ADAMTS18: variants seen among roughly 807,000 people sequenced by gnomAD.
The protein encoded by ADAMTS18 is A disintegrin and metalloproteinase with thrombospondin motifs 18.
In ADAMTS18, 157 loss-of-function variants were observed where a neutral mutation model predicts 165.9. The observed-to-expected ratio is 0.95, with a 90% CI of 0.83 to 1.08. ADAMTS18 has a LOEUF of 1.08. ADAMTS18 is among the 50% of genes least tolerant of loss of function. The probability of loss-of-function intolerance (pLI) is 0.00; values close to 1 mark genes in which losing one functional copy is unlikely to be tolerated. For synonymous variants in ADAMTS18, 782 were observed against 578.2 expected, an observed-to-expected ratio of 1.35 and a Z score of -5.06; for missense variants, 2,040 against 1,534.0, an observed-to-expected ratio of 1.33 and a Z score of -5.51.
chr16:77,359,217 A>T (rs983633757), intron 8 of ADAMTS18, 101 bp downstream of exon 8: 1 of 1,001,708 alleles, frequency 1.0e-6, no homozygotes, highest in African/African-American at 1.6e-5. Context: ...CACAAGACTG[A>T]TCCTCTTTGT....
At chr16:77,355,902 C>T in intron 9 of ADAMTS18, 38 bp downstream of exon 9, 1 of 1,613,512 alleles carries the variant, frequency 6.2e-7, no homozygotes, top group Non-Finnish European at 8.5e-7. Flanking sequence ...TGTCATCACT[C>T]CAAACCTAGG....
chr16:77,350,005 T>C (rs1232701140), intron 10 of ADAMTS18, among the ~76,000 whole-genome samples: 1 of 152,214 alleles, frequency 6.6e-6, no homozygotes, highest in Non-Finnish European at 1.5e-5. Flanking sequence ...GTTCAGCTGC[T>C]CACTTCTAGC....
chr16:77,415,769 G>A (rs1289289988), intron 3 of ADAMTS18, among the ~76,000 whole-genome samples: 1 of 146,080 alleles, frequency 6.8e-6, no homozygotes, highest in Non-Finnish European at 1.5e-5. Flanking sequence ...TCATTTTTGA[G>A]TCCCCACATA....
intron 4 of ADAMTS18, among the ~76,000 whole-genome samples, chr16:77,366,310 A>G (rs1369930960): frequency 6.6e-6 from 1 of 152,186 alleles, no homozygotes; most frequent in Admixed American, 6.5e-5. Context: ...TTTAATGCTA[A>G]CAATTGGGAG....
chr16:77,427,393 A>G (rs2057687104), intron 3 of ADAMTS18, among the ~76,000 whole-genome samples: 2 of 152,238 alleles, frequency 1.3e-5, no homozygotes, highest in South Asian at 4.1e-4. Flanking sequence ...ACTGTGGTTC[A>G]ACAGCAAGAT....
At chr16:77,290,958 G>T (rs897124196) in intron 21 of ADAMTS18, 1 of 432,266 alleles carries the variant, frequency 2.3e-6, no homozygotes, top group Non-Finnish European at 4.3e-6. Context: ...GGTAGTTTCC[G>T]TAGCAACAGC....
At chr16:77,291,215 T>C (rs761948507) in intron 21 of ADAMTS18, 51 bp downstream of exon 21, 8 of 1,599,024 alleles carry the variant, frequency 5.0e-6, no homozygotes, top group Admixed American at 1.7e-5. Context: ...GAACGCCTCA[T>C]TTTTCGACAT....
intron 3 of ADAMTS18, among the ~76,000 whole-genome samples, chr16:77,429,438 T>C (rs1336153903): frequency 6.6e-6 from 1 of 151,904 alleles, no homozygotes; most frequent in Non-Finnish European, 1.5e-5. Context: ...TACTTGGGGG[T>C]GGAGGGTCGG....
Position 77,392,071 on chromosome 16 carries a change from C to G in ADAMTS18, c.496-24348G>C, listed in dbSNP as rs116258445. ...ATTGTGCAGAAAAATCGAACAACACCAAGACAATCATGTAATCAATTGCTG... is the reference window on the plus strand; with the variant it reads ...ATTGTGCAGAAAAATCGAACAACACGAAGACAATCATGTAATCAATTGCTG... On this transcript the variant is annotated intron_variant, in intron 3 of 22. Transcript: ENST00000282849. Among the ~76,000 whole-genome samples, 693 of 152,254 alleles carry G rather than the reference C, an allele frequency of 4.6e-3. 6 individuals carry two copies. The highest frequency in any genetic ancestry group is 0.016 in the African/African-American group (655 of 41,548).
chr16:77,329,033 A>G (rs1434567225), intron 12 of ADAMTS18, among the ~76,000 whole-genome samples: 3 of 152,120 alleles, frequency 2.0e-5, no homozygotes, highest in African/African-American at 7.2e-5. Context: ...GGGGCCGGGT[A>G]TGGAAAGAAA....
intron 4 of ADAMTS18, among the ~76,000 whole-genome samples, chr16:77,366,795 T>C (rs924337551): frequency 6.6e-6 from 1 of 152,226 alleles, no homozygotes; most frequent in Non-Finnish European, 1.5e-5. Context: ...AAAAATAATG[T>C]AACTCTCTAA....
chr16:77,358,903 T>G (rs924686856), intron 8 of ADAMTS18, among the ~76,000 whole-genome samples: 1 of 152,238 alleles, frequency 6.6e-6, no homozygotes, highest in African/African-American at 2.4e-5. Context: ...CATGCAATGT[T>G]GCCAACTAAA....
intron 3 of ADAMTS18, among the ~76,000 whole-genome samples, chr16:77,384,520 G>T (rs2057077995): frequency 6.6e-6 from 1 of 152,174 alleles, no homozygotes; most frequent in African/African-American, 2.4e-5. Context: ...AGAGGACAAA[G>T]TTAGGGCAGA....
intron 16 of ADAMTS18, among the ~76,000 whole-genome samples, chr16:77,317,229 T>C (rs963752705): frequency 3.3e-5 from 5 of 152,224 alleles, no homozygotes; most frequent in African/African-American, 7.2e-5. Flanking sequence ...AGTTTCATTA[T>C]AGCAGGAGGA....
rs1208697949 is a variant in ADAMTS18 at position 77,364,359 on chromosome 16, CT to C, written c.800del (p.Glu267GlyfsTer5). 1.9e-6 allele frequency: 3 copies of C among 1,613,596 alleles called. No homozygotes were observed. Among genetic ancestry groups the C allele is most frequent in the Non-Finnish European group, 2.5e-6 (3 of 1,179,994 alleles). Reference protein sequence around the residue: ...RKKYAPKPPTEDTYLRFDEYG... With the variant: ...RKKYAPKPPTXDTYLRFDEYG... ...ATTCATCAAACCTTAGATAGGTGTC[CT>C]CTGTGGGAGGCTTGGGAGCATCTAC... On this transcript the variant is annotated frameshift_variant, in exon 5 of 23. Transcript: ENST00000282849. LOFTEE classifies it high-confidence loss of function.
At chr16:77,401,322 A>T (rs539056175) in intron 3 of ADAMTS18, among the ~76,000 whole-genome samples, 1 of 152,310 alleles carries the variant, frequency 6.6e-6, no homozygotes, top group Non-Finnish European at 1.5e-5. Flanking sequence ...ATCAAGCCAC[A>T]ATAATCCAAG....
At chr16:77,413,056 A>T (rs570034308) in intron 3 of ADAMTS18, among the ~76,000 whole-genome samples, 21 of 152,178 alleles carry the variant, frequency 1.4e-4, no homozygotes, top group African/African-American at 4.8e-4. Context: ...TATAAAAAAA[A>T]ACTTGTTGGT....
At chr16:77,420,516 C>A (rs763230533) in intron 3 of ADAMTS18, among the ~76,000 whole-genome samples, 2 of 152,152 alleles carry the variant, frequency 1.3e-5, no homozygotes, top group African/African-American at 2.4e-5. Flanking sequence ...CACTAAGAAT[C>A]ACTGTTCTAG....
chr16:77,394,285 G>C (rs553275146), intron 3 of ADAMTS18, among the ~76,000 whole-genome samples: 1 of 152,280 alleles, frequency 6.6e-6, no homozygotes, highest in South Asian at 2.1e-4. Context: ...GGTGGTCATA[G>C]AACAGGTAAG....
Sources: allele counts gnomAD v4.1 joint callset (sites outside exome capture counted in the v4.1 genomes callset), GRCh38; gene constraint gnomAD v4.1.1; transcripts MANE v1.5; gene names NCBI Gene and HGNC (gene_info 2026-07-23, HGNC 2026-07-21).